Variants in CAMTA1 observed in about 807,000 individuals in gnomAD.
CAMTA1 encodes calmodulin binding transcription activator 1.
Under a neutral mutation model 170.9 loss-of-function variants are expected in CAMTA1, and 27 were observed. The observed-to-expected ratio is 0.16, with a 90% CI of 0.12 to 0.22. The LOEUF (loss-of-function observed/expected upper bound fraction) is 0.22. CAMTA1 is among the 10% of genes least tolerant of loss of function. The pLI is 1.00. For missense variants in CAMTA1, 1,619 were observed against 2,217.2 expected (o/e 0.73, Z 5.42); for synonymous variants, 833 against 891.5 (o/e 0.93, Z 1.17).
rs2095696860 is a variant in CAMTA1 at position 7,634,672 on chromosome 1, G to A, written c.511-5728G>A. Among the ~76,000 whole-genome samples the A allele has an allele frequency of 6.6e-6, 1 of 152,122 alleles. No homozygotes were observed. Among genetic ancestry groups the A allele is most frequent in the South Asian group, 2.1e-4 (1 of 4,824 alleles). ...GGCCTCTGTACACAGCAAGAGGAGA[G>A]CTGGGACAGGCTGGGGCTGCCGGAG... On this transcript the variant is annotated intron_variant, in intron 6 of 22. Transcript: ENST00000303635. This position sits in a 1 kb window ranked among gnomAD's most constrained non-coding sequence, Gnocchi z 6.2.
At chr1:7,230,738 G>C (rs1175488855) in intron 4 of CAMTA1, among the ~76,000 whole-genome samples, 1 of 152,226 alleles carries the variant, frequency 6.6e-6, no homozygotes, top group Non-Finnish European at 1.5e-5. Flanking sequence ...AGAGCAGCCA[G>C]GCAGGGCAGC....
At chr1:7,472,387 C>T (rs960632149) in intron 6 of CAMTA1, among the ~76,000 whole-genome samples, 11 of 152,060 alleles carry the variant, frequency 7.2e-5, no homozygotes, top group African/African-American at 1.7e-4. Context: ...GCACCAGGAG[C>T]GGTGACCATG....
chr1:7,483,528 C>A (rs533521044), intron 6 of CAMTA1, among the ~76,000 whole-genome samples: 1 of 152,324 alleles, frequency 6.6e-6, no homozygotes, highest in Non-Finnish European at 1.5e-5. Context: ...AGTTCCCTTC[C>A]TTTCCTGGGG....
intron 3 of CAMTA1, among the ~76,000 whole-genome samples, chr1:6,870,405 C>T (rs371308348): frequency 1.4e-4 from 21 of 152,012 alleles, no homozygotes; most frequent in Admixed American, 1.1e-3. Flanking sequence ...ACACTCGGAC[C>T]GAGTGCATGA....
At chr1:7,254,916 G>T (rs970903447) in intron 5 of CAMTA1, among the ~76,000 whole-genome samples, 1 of 152,212 alleles carries the variant, frequency 6.6e-6, no homozygotes, top group Non-Finnish European at 1.5e-5. Flanking sequence ...GAGGTAAGGT[G>T]CCTAATGAAA....
chr1:7,722,991 G>T (rs1458148682), intron 11 of CAMTA1, among the ~76,000 whole-genome samples: 1 of 152,044 alleles, frequency 6.6e-6, no homozygotes, highest in Admixed American at 6.5e-5. Context: ...ACATCAGTAG[G>T]AACTCATGTT....
intron 4 of CAMTA1, among the ~76,000 whole-genome samples, chr1:7,221,634 G>A (rs1429983707): frequency 1.3e-5 from 2 of 152,124 alleles, no homozygotes; most frequent in Non-Finnish European, 2.9e-5. Context: ...GAACGCTGGG[G>A]TCTCAGTGTG....
At chr1:7,392,870 G>GATCA (rs368458285) in intron 5 of CAMTA1, among the ~76,000 whole-genome samples, 4,408 of 150,926 alleles carry the variant, frequency 0.029, 116 homozygotes, top group African/African-American at 0.066. Context: ...ACTCTGTCTC[G>GATCA]ATCAATCAAT....
Position 7,475,730 on chromosome 1 carries a change from C to T in CAMTA1, c.510+7829C>T, listed in dbSNP as rs897151685. On this transcript the variant is annotated intron_variant, in intron 6 of 22. Coordinates refer to ENST00000303635, the MANE Select transcript of CAMTA1 (RefSeq NM_015215.4). ...GCCTGGCTTTTGGTTCTCACAGCTA[C>T]CCTGGGAAGGAAACAGGGCAGGGGT... is the stretch of plus-strand genomic sequence containing the variant. Among the ~76,000 whole-genome samples the T allele has an allele frequency of 4.4e-4, 67 of 152,206 alleles. 1 individual carries two copies. The highest frequency in any genetic ancestry group is 9.8e-4 in the Admixed American group (15 of 15,284).
intron 6 of CAMTA1, among the ~76,000 whole-genome samples, chr1:7,554,841 G>T (rs1253942184): frequency 6.6e-6 from 1 of 151,940 alleles, no homozygotes; most frequent in Non-Finnish European, 1.5e-5. Context: ...AAAGAAGCCA[G>T]ATTTCTGTAG....
chr1:7,392,052 A>G (rs1386477493), intron 5 of CAMTA1, among the ~76,000 whole-genome samples: 4 of 152,166 alleles, frequency 2.6e-5, no homozygotes, highest in Non-Finnish European at 5.9e-5. Context: ...CGTATAGTAA[A>G]TCTGTTTAAC....
chr1:7,511,100 G>A (rs1415312530), intron 6 of CAMTA1, among the ~76,000 whole-genome samples: 2 of 145,768 alleles, frequency 1.4e-5, no homozygotes, highest in Non-Finnish European at 3.1e-5. Context: ...GCTACTGGGT[G>A]TCAGCCGAGC....
intron 5 of CAMTA1, among the ~76,000 whole-genome samples, chr1:7,374,986 G>C (rs1367486036): frequency 6.6e-6 from 1 of 152,146 alleles, no homozygotes; most frequent in Non-Finnish European, 1.5e-5. Context: ...CAGTGGGGCT[G>C]GGTCCTGTTA....
Position 7,477,751 on chromosome 1 carries a change from C to A in CAMTA1, c.510+9850C>A, listed in dbSNP as rs542952497. 2.6e-5 allele frequency among the ~76,000 whole-genome samples: 4 copies of A among 152,320 alleles called. No individual in the cohort carries two copies. In the East Asian group the frequency reaches 7.7e-4, roughly 30 times the overall value. On this transcript the variant is annotated intron_variant, in intron 6 of 22. Transcript: ENST00000303635. ...TCGGCTTTCTCAGAGGGTCCCCTTG[C>A]AGGCCCCATTGCTCACCCTTCACCT...
chr1:6,974,366 A>G (rs183076197), intron 3 of CAMTA1, among the ~76,000 whole-genome samples: 1 of 152,354 alleles, frequency 6.6e-6, no homozygotes, highest in East Asian at 1.9e-4. Context: ...ATTCTGCTTT[A>G]TGCAGACCAA....
At chr1:7,214,684 T>C (rs1481611675) in intron 4 of CAMTA1, among the ~76,000 whole-genome samples, 1 of 152,188 alleles carries the variant, frequency 6.6e-6, no homozygotes, top group Non-Finnish European at 1.5e-5. Context: ...TTAATTTTCA[T>C]GAAGTCTACT....
intron 5 of CAMTA1, among the ~76,000 whole-genome samples, chr1:7,433,544 A>G (rs1359401957): frequency 3.3e-5 from 5 of 152,230 alleles, no homozygotes; most frequent in African/African-American, 7.2e-5. Context: ...AGGTGAAGCC[A>G]CTACTACCTC....
intron 3 of CAMTA1, among the ~76,000 whole-genome samples, chr1:6,854,573 C>T (rs931616721): frequency 1.6e-4 from 24 of 152,048 alleles, no homozygotes; most frequent in African/African-American, 5.6e-4. Context: ...AACACTGCAC[C>T]CAATAACTGT....
intron 6 of CAMTA1, among the ~76,000 whole-genome samples, chr1:7,506,748 A>C (rs2094120353): frequency 6.6e-6 from 1 of 150,890 alleles, no homozygotes; most frequent in Non-Finnish European, 1.5e-5. Context: ...TGCTCACACA[A>C]AATCTCACAT....
Sources: allele counts gnomAD v4.1 joint callset (sites outside exome capture counted in the v4.1 genomes callset), GRCh38; gene constraint gnomAD v4.1.1; non-coding constraint Gnocchi (gnomAD v3.1); transcripts MANE v1.5; gene names NCBI Gene and HGNC (gene_info 2026-07-23, HGNC 2026-07-21).